Variants in TSPAN15 observed in about 807,000 individuals in gnomAD.
TSPAN15 encodes the protein tetraspanin-15.
TSPAN15 carries 20 observed loss-of-function variants against 34.5 expected under a neutral mutation model. The observed-to-expected ratio is 0.58, with a 90% CI of 0.41 to 0.84. The LOEUF (loss-of-function observed/expected upper bound fraction) is 0.84. Ranked by LOEUF, TSPAN15 falls within the 40% of genes least tolerant of loss-of-function variation. The probability of loss-of-function intolerance (pLI) is 0.00; values close to 1 mark genes in which losing one functional copy is unlikely to be tolerated. For missense variants in TSPAN15, 313 were observed against 386.1 expected, an observed-to-expected ratio of 0.81 and a Z score of 1.59; for synonymous variants, 155 against 153.9, an observed-to-expected ratio of 1.01 and a Z score of -0.05.
downstream of TSPAN15, among the ~76,000 whole-genome samples, chr10:69,512,309 TGAG>T (rs2133179414): frequency 6.6e-6 from 1 of 152,346 alleles, no homozygotes; most frequent in East Asian, 1.9e-4. Context: ...TTTGTGAAGT[TGAG>T]GAGGTTTGTG....
At chr10:69,539,490 G>T in the TSPAN15 span, among the ~76,000 whole-genome samples, 2 of 60,746 alleles carry the variant, frequency 3.3e-5, 1 homozygote, top group East Asian at 1.1e-3. Flanking sequence ...AGGAGAAGAA[G>T]AAGAAGAAGA....
the TSPAN15 span, among the ~76,000 whole-genome samples, chr10:69,518,646 ACTC>A: frequency 6.6e-6 from 1 of 152,002 alleles, no homozygotes; most frequent in African/African-American, 2.4e-5. Flanking sequence ...CTGGTCTCGA[ACTC>A]CTGACCTCGT....
chr10:69,500,665 G>C (rs1452149232), intron 5 of TSPAN15, among the ~76,000 whole-genome samples: 1 of 152,124 alleles, frequency 6.6e-6, no homozygotes, highest in Non-Finnish European at 1.5e-5. Flanking sequence ...GTTCTGTTCA[G>C]GCCTTCCCTG....
At chr10:69,486,676 C>T (rs13328797) in intron 3 of TSPAN15, among the ~76,000 whole-genome samples, 2,591 of 152,288 alleles carry the variant, frequency 0.017, 77 homozygotes, top group African/African-American at 0.06. Flanking sequence ...GTGCAGACCT[C>T]TCAGATGGCC....
chr10:69,485,374 G>A (rs1318414681), intron 3 of TSPAN15, among the ~76,000 whole-genome samples, 159 bp downstream of exon 3: 4 of 152,142 alleles, frequency 2.6e-5, no homozygotes, highest in Admixed American at 2.0e-4. Context: ...GTAAAGCAGC[G>A]ACTAAGAAAA....
downstream of TSPAN15, among the ~76,000 whole-genome samples, chr10:69,511,024 G>A (rs138261635): frequency 0.012 from 1,803 of 152,262 alleles, 31 homozygotes; most frequent in African/African-American, 0.04. Context: ...AGGGATATTG[G>A]CCTGAAATTT....
intron 2 of TSPAN15, chr10:69,484,222 C>G (rs151044845): frequency 3.1e-4 from 62 of 200,324 alleles, no homozygotes; most frequent in African/African-American, 1.3e-3. Context: ...ACACTGGGTC[C>G]AGGGGTTTAG....
chr10:69,498,312 T>G lies in TSPAN15; in HGVS notation c.486T>G (p.Asp162Glu). 6.2e-7 allele frequency: 1 copy of G among 1,613,612 alleles called. No individual in the cohort carries two copies. The highest frequency in any genetic ancestry group is 8.5e-7 in the Non-Finnish European group (1 of 1,179,944). The change falls in exon 5 of 8, where the codon GAT (aspartate) becomes GAG (glutamate). Residue 162 changes from aspartate (D) to glutamate (E), a missense_variant. By Grantham distance (45) the Asp-to-Glu change is conservative (BLOSUM62 2). Transcript: ENST00000373290. The stretch of plus-strand genomic sequence containing the variant: ...GCTGTGGCGGGGAGGACTACCGAGA[T>G]TGGAGCAAGAATCAGTACCACGACT... ...FKCCGGEDYR[D>E]WSKNQYHDCS...
At chr10:69,482,862 G>A (rs1841765091) in intron 1 of TSPAN15, among the ~76,000 whole-genome samples, 1 of 152,096 alleles carries the variant, frequency 6.6e-6, no homozygotes, top group Non-Finnish European at 1.5e-5. Flanking sequence ...AGTCTGCTAG[G>A]GCTGCCATAA....
chr10:69,525,726 C>T, the TSPAN15 span, among the ~76,000 whole-genome samples: 1 of 145,070 alleles, frequency 6.9e-6, no homozygotes, highest in African/African-American at 2.5e-5. Context: ...AAGGCTGAGG[C>T]AGGAGAATTG....
the TSPAN15 span, among the ~76,000 whole-genome samples, chr10:69,515,240 G>A: frequency 6.6e-6 from 1 of 152,122 alleles, no homozygotes; most frequent in Non-Finnish European, 1.5e-5. Context: ...CTTAGCATTT[G>A]AGGGCCTCAT....
At chr10:69,542,513 T>C in the TSPAN15 span, among the ~76,000 whole-genome samples, 1 of 152,348 alleles carries the variant, frequency 6.6e-6, no homozygotes, top group African/African-American at 2.4e-5. Context: ...TATCTGACAC[T>C]GGGTAATTTA....
intron 5 of TSPAN15, among the ~76,000 whole-genome samples, chr10:69,501,440 G>A (rs952519515): frequency 7.9e-5 from 12 of 152,132 alleles, no homozygotes; most frequent in Admixed American, 3.3e-4. Flanking sequence ...GAAACAGGGC[G>A]TTCGCTTCCT....
At chr10:69,461,206 G>A (rs1346034865) in intron 1 of TSPAN15, among the ~76,000 whole-genome samples, 1 of 152,188 alleles carries the variant, frequency 6.6e-6, no homozygotes, top group East Asian at 1.9e-4. Flanking sequence ...AGGAGACTAA[G>A]GCCCTGAGCG....
intron 1 of TSPAN15, among the ~76,000 whole-genome samples, chr10:69,470,787 C>T (rs913684864): frequency 6.6e-6 from 1 of 152,136 alleles, no homozygotes; most frequent in Non-Finnish European, 1.5e-5. Flanking sequence ...TCAGTGCCTC[C>T]CATCCACTCA....
chr10:69,473,587 C>G (rs542768705), intron 1 of TSPAN15, among the ~76,000 whole-genome samples: 1 of 152,216 alleles, frequency 6.6e-6, no homozygotes, highest in African/African-American at 2.4e-5. Flanking sequence ...CCATGGACTC[C>G]CGGAGCAGTA....
intron 3 of TSPAN15, among the ~76,000 whole-genome samples, chr10:69,490,913 G>A (rs1301523797): frequency 2.0e-5 from 3 of 152,338 alleles, no homozygotes; most frequent in Middle Eastern, 6.8e-3. Flanking sequence ...ACCCGTGGAT[G>A]TGGAGGGCCG....
intron 4 of TSPAN15, among the ~76,000 whole-genome samples, chr10:69,497,975 T>C (rs1236666565): frequency 1.3e-5 from 2 of 152,070 alleles, no homozygotes; most frequent in African/African-American, 4.8e-5. Flanking sequence ...GACACGAAGA[T>C]GAAGAAAGTG....
chr10:69,484,017 A>T, intron 2 of TSPAN15, 141 bp downstream of exon 2: 2 of 837,516 alleles, frequency 2.4e-6, no homozygotes, highest in Non-Finnish European at 3.6e-6. Flanking sequence ...AGCCCATCTG[A>T]CCACACTGGC....
Sources: allele counts gnomAD v4.1 joint callset (sites outside exome capture counted in the v4.1 genomes callset), GRCh38; gene constraint gnomAD v4.1.1; transcripts MANE v1.5; gene names NCBI Gene and HGNC (gene_info 2026-07-23, HGNC 2026-07-21).